The following SPOCK3 variants were observed in gnomAD, a reference collection of about 807,000 sequenced individuals.
SPOCK3 encodes the protein testican-3.
In SPOCK3, 30 loss-of-function variants were observed where a neutral mutation model predicts 56.6. The ratio of observed to expected loss-of-function variants is 0.53; its 90% confidence interval spans 0.40 to 0.72. The LOEUF is 0.72. SPOCK3 is among the 30% of genes least tolerant of loss of function. The probability of loss-of-function intolerance (pLI) is 0.00; values close to 1 mark genes in which losing one functional copy is unlikely to be tolerated. For synonymous variants in SPOCK3, 196 were observed against 183.3 expected, an observed-to-expected ratio of 1.07 and a Z score of -0.56; for missense variants, 527 against 530.0, an observed-to-expected ratio of 0.99 and a Z score of 0.06.
chr4:167,056,282 C>G (rs188985678), intron 3 of SPOCK3, among the ~76,000 whole-genome samples: 1 of 152,124 alleles, frequency 6.6e-6, no homozygotes, highest in African/African-American at 2.4e-5. Flanking sequence ...AGAAACCCAT[C>G]TGTACATCAC....
At chr4:167,176,512 A>C (rs1730994822) in intron 2 of SPOCK3, among the ~76,000 whole-genome samples, 1 of 152,070 alleles carries the variant, frequency 6.6e-6, no homozygotes, top group Non-Finnish European at 1.5e-5. Context: ...CTCTAGTCTA[A>C]ATCTTCCTAA....
At chr4:166,764,434 T>C (rs1191740638) in intron 7 of SPOCK3, among the ~76,000 whole-genome samples, 1 of 151,922 alleles carries the variant, frequency 6.6e-6, no homozygotes. Context: ...AGTGAGAACA[T>C]GCGGTGTTTG....
chr4:166,967,618 C>G (rs924556866), intron 4 of SPOCK3, among the ~76,000 whole-genome samples: 1 of 152,214 alleles, frequency 6.6e-6, no homozygotes, highest in East Asian at 1.9e-4. Context: ...CCTCCCCAGT[C>G]AGTCCCACTG....
chr4:167,167,960 G>A (rs568436514), intron 2 of SPOCK3, among the ~76,000 whole-genome samples: 1 of 152,190 alleles, frequency 6.6e-6, no homozygotes, highest in South Asian at 2.1e-4. Flanking sequence ...CCCCCATACT[G>A]TTCTCATGGT....
At chr4:166,806,601 C>G (rs1251412947) in intron 6 of SPOCK3, among the ~76,000 whole-genome samples, 1 of 151,850 alleles carries the variant, frequency 6.6e-6, no homozygotes, top group Admixed American at 6.6e-5. Context: ...CACTATTTGT[C>G]CTACATATAT....
intron 2 of SPOCK3, among the ~76,000 whole-genome samples, chr4:167,143,434 G>A (rs986515267): frequency 6.6e-6 from 1 of 151,904 alleles, no homozygotes; most frequent in African/African-American, 2.4e-5. Context: ...TAATACAAAA[G>A]TTAAGCTCTT....
At chr4:167,126,669 G>A (rs1762312679) in intron 2 of SPOCK3, among the ~76,000 whole-genome samples, 1 of 151,508 alleles carries the variant, frequency 6.6e-6, no homozygotes, top group African/African-American at 2.4e-5. Flanking sequence ...TTCTTCTCAG[G>A]CCCACTATAC....
intron 3 of SPOCK3, among the ~76,000 whole-genome samples, chr4:167,048,578 T>G (rs1392155180): frequency 6.6e-6 from 1 of 152,132 alleles, no homozygotes; most frequent in South Asian, 2.1e-4. Flanking sequence ...AAAAACGTAT[T>G]TTCAGCTAAC....
At chr4:167,165,378 C>A (rs1765669368) in intron 2 of SPOCK3, among the ~76,000 whole-genome samples, 1 of 151,716 alleles carries the variant, frequency 6.6e-6, no homozygotes, top group Non-Finnish European at 1.5e-5. Flanking sequence ...AAAAACAACC[C>A]CATCAAAAAG....
rs1274607870 is a variant in SPOCK3, at chr4:166,734,588, C to T, written c.*333G>A. ...TTATCTTTCAGAAAATTAACATGTACGATCCCAAGCACTAGCTGTCATTTT... is the reference window on the plus strand; with the variant it reads ...TTATCTTTCAGAAAATTAACATGTATGATCCCAAGCACTAGCTGTCATTTT... On this transcript the variant is annotated 3_prime_UTR_variant, in exon 11 of 11. Coordinates refer to ENST00000357545, the MANE Select transcript of SPOCK3 (RefSeq NM_001040159.2). 2.7e-5 allele frequency: 5 copies of T among 187,304 alleles called. No individual in the cohort carries two copies. Among genetic ancestry groups the T allele is most frequent in the Non-Finnish European group, 4.4e-5 (4 of 91,872 alleles). 11.6% of individuals were successfully genotyped at this position (187,304 alleles called of 1,614,324 possible).
chr4:166,798,556 T>C (rs1294859438), intron 6 of SPOCK3, among the ~76,000 whole-genome samples: 1 of 152,162 alleles, frequency 6.6e-6, no homozygotes, highest in Non-Finnish European at 1.5e-5. Context: ...ATCTGCTTCT[T>C]GGAGGCAACA....
At chr4:167,016,108 T>C (rs1382776212) in intron 3 of SPOCK3, among the ~76,000 whole-genome samples, 1 of 152,144 alleles carries the variant, frequency 6.6e-6, no homozygotes, top group African/African-American at 2.4e-5. Context: ...GAATCCAATT[T>C]TTGAAACTGA....
intron 6 of SPOCK3, among the ~76,000 whole-genome samples, chr4:166,831,752 A>AT (rs199918893): frequency 5.4e-5 from 5 of 93,446 alleles, no homozygotes; most frequent in African/African-American, 1.1e-4. Flanking sequence ...AATGTTCTCC[A>AT]TTTTTGTTTT....
At chr4:167,084,648 G>C (rs78983977) in intron 2 of SPOCK3, among the ~76,000 whole-genome samples, 1 of 152,126 alleles carries the variant, frequency 6.6e-6, no homozygotes, top group East Asian at 1.9e-4. Context: ...TGGGAAGTCT[G>C]GGAGGGATCC....
intron 6 of SPOCK3, among the ~76,000 whole-genome samples, chr4:166,859,017 A>G (rs1730967548): frequency 6.6e-6 from 1 of 152,210 alleles, no homozygotes; most frequent in Non-Finnish European, 1.5e-5. Context: ...AGGTTGTCAC[A>G]TTATAGCACA....
At chr4:166,923,354 T>G (rs55949400) in intron 4 of SPOCK3, among the ~76,000 whole-genome samples, 36,498 of 152,100 alleles carry the variant, frequency 0.24, 4,714 homozygotes, top group Non-Finnish European at 0.27. Context: ...TTCACTCTTA[T>G]GCTTTATAAG....
chr4:167,205,385 A>T (rs1156429111), intron 2 of SPOCK3, among the ~76,000 whole-genome samples: 6 of 41,322 alleles, frequency 1.5e-4, no homozygotes, highest in Admixed American at 1.0e-3. Context: ...TATATAATAT[A>T]TATATTTTAT....
At chr4:166,950,535 A>G (rs1742443380) in intron 4 of SPOCK3, among the ~76,000 whole-genome samples, 1 of 152,040 alleles carries the variant, frequency 6.6e-6, no homozygotes, top group Admixed American at 6.5e-5. Context: ...ATGAGACAGA[A>G]AGTTAACAAG....
chr4:166,752,613 C>A (rs978255975), intron 8 of SPOCK3, among the ~76,000 whole-genome samples: 1 of 143,732 alleles, frequency 7.0e-6, no homozygotes, highest in African/African-American at 2.6e-5. Context: ...CACACACACA[C>A]ATATATTTAT....
Sources: gnomAD v4.1 joint callset for allele counts (sites outside exome capture counted in the v4.1 genomes callset) on GRCh38, gnomAD v4.1.1 for gene constraint, MANE v1.5 for transcripts, NCBI Gene and HGNC (gene_info 2026-07-23, HGNC 2026-07-21) for gene names.